Variants in MACROD2 observed in about 807,000 individuals in gnomAD.
MACROD2 encodes the protein mono-ADP ribosylhydrolase 2, also known as ADP-ribose glycohydrolase MACROD2.
In MACROD2, 36 loss-of-function variants were observed where a neutral mutation model predicts 70.4. The observed-to-expected ratio is 0.51, with a 90% CI of 0.39 to 0.68. The LOEUF is 0.68. Among genes scored for constraint, MACROD2 ranks in the 30% least tolerant of loss-of-function variants. The pLI, the probability that MACROD2 is intolerant of heterozygous loss-of-function variation, is 0.00. For missense variants in MACROD2, 496 were observed against 538.4 expected (o/e 0.92, Z 0.78); for synonymous variants, 172 against 178.8 (o/e 0.96, Z 0.30).
At chr20:15,902,062 A>G (rs1429368996) in intron 10 of MACROD2, among the ~76,000 whole-genome samples, 4 of 152,214 alleles carry the variant, frequency 2.6e-5, no homozygotes, top group African/African-American at 4.8e-5. Context: ...TTAGTTTTGC[A>G]TGGAGCTGTG....
chr20:14,142,874 G>A (rs555754174), intron 3 of MACROD2, among the ~76,000 whole-genome samples: 3 of 151,970 alleles, frequency 2.0e-5, no homozygotes, highest in Non-Finnish European at 4.4e-5. Flanking sequence ...ATTCATTTGT[G>A]GCTTAAAAGA....
At position 15,836,413 on chromosome 20, in the gene MACROD2, A is replaced by G. The variant is rs1164999717; in HGVS notation, c.646-26332A>G. Among the ~76,000 whole-genome samples the G allele has an allele frequency of 2.0e-5, 3 of 152,298 alleles. No individual in the cohort carries two copies. The South Asian group carries it at 6.2e-4, about 32-fold the overall frequency. On this transcript the variant is annotated intron_variant, in intron 8 of 17. Coordinates refer to ENST00000684519, the MANE Select transcript of MACROD2 (RefSeq NM_001351661.2). ...GTGGTCAGTTACACAGAATGGAGTCATAAGAGTCATTATCTATGGGATGTT... is the reference window on the plus strand; with the variant it reads ...GTGGTCAGTTACACAGAATGGAGTCGTAAGAGTCATTATCTATGGGATGTT...
intron 8 of MACROD2, among the ~76,000 whole-genome samples, chr20:15,645,070 C>A (rs1007874475): frequency 6.6e-6 from 1 of 152,170 alleles, no homozygotes; most frequent in South Asian, 2.1e-4. Flanking sequence ...CACCACCTTG[C>A]CTTTAATGTC....
intron 5 of MACROD2, among the ~76,000 whole-genome samples, chr20:15,194,232 C>T (rs1018301763): frequency 3.7e-4 from 38 of 102,536 alleles, no homozygotes; most frequent in African/African-American, 1.3e-3. Context: ...GGTGACAGAG[C>T]GACACTCTGT....
In MACROD2 at chr20:14,840,723, G is replaced by T. The variant is rs181461343; in HGVS notation, c.418+155764G>T. Among the ~76,000 whole-genome samples the T allele has an allele frequency of 2.3e-3, 349 of 152,228 alleles. 2 individuals carry two copies. The highest frequency in any genetic ancestry group is 4.1e-3 in the Non-Finnish European group (278 of 67,988). Reference sequence around the variant, plus strand: ...GTTCTCTCATTGGAAAGGTTGACAGGTTCTTTCAAGGAAAGGTCATTTCAG... The same window carrying T: ...GTTCTCTCATTGGAAAGGTTGACAGTTTCTTTCAAGGAAAGGTCATTTCAG... On this transcript the variant is annotated intron_variant, in intron 5 of 17. Coordinates refer to ENST00000684519, the MANE Select transcript of MACROD2 (RefSeq NM_001351661.2).
intron 5 of MACROD2, among the ~76,000 whole-genome samples, chr20:14,941,766 ATTTC>A (rs2074391645): frequency 6.6e-6 from 1 of 150,532 alleles, no homozygotes; most frequent in Non-Finnish European, 1.5e-5. Flanking sequence ...AAGATTCTGA[ATTTC>A]TTTCTCTCTC....
At chr20:14,767,431 AG>A (rs1346100219) in intron 5 of MACROD2, among the ~76,000 whole-genome samples, 1 of 151,994 alleles carries the variant, frequency 6.6e-6, no homozygotes, top group Non-Finnish European at 1.5e-5. Context: ...TGAGGGAGTA[AG>A]GTGCTAAGAG....
chr20:15,583,834 G>A (rs1195863507), intron 8 of MACROD2, among the ~76,000 whole-genome samples: 1 of 152,068 alleles, frequency 6.6e-6, no homozygotes, highest in Non-Finnish European at 1.5e-5. Context: ...TAGAGACAGG[G>A]TTTCACCATG....
intron 9 of MACROD2, among the ~76,000 whole-genome samples, chr20:15,869,754 A>G (rs1010431773): frequency 6.6e-6 from 1 of 152,102 alleles, no homozygotes; most frequent in Non-Finnish European, 1.5e-5. Flanking sequence ...CATATAGATG[A>G]TAAAGTAAAA....
chr20:15,290,037 C>T (rs975478419), intron 6 of MACROD2, among the ~76,000 whole-genome samples: 1 of 152,068 alleles, frequency 6.6e-6, no homozygotes, highest in Non-Finnish European at 1.5e-5. Flanking sequence ...TCTGTTTACT[C>T]ATACATAACA....
rs968580977 is a variant in MACROD2, at chr20:14,641,570, A to G, written c.302-43273A>G. Among the ~76,000 whole-genome samples, 25 of 152,384 alleles carry G rather than the reference A, an allele frequency of 1.6e-4. 1 individual carries two copies. The highest frequency in any genetic ancestry group is 5.8e-4 in the African/African-American group (24 of 41,596). On this transcript the variant is annotated intron_variant, in intron 4 of 17. Coordinates refer to ENST00000684519, the MANE Select transcript of MACROD2 (RefSeq NM_001351661.2). ...TTTAAATAATAAGACTTGAAAGTCAAAATTGCTCCTTGATTGATGGGCTAC... is the reference window on the plus strand; with the variant it reads ...TTTAAATAATAAGACTTGAAAGTCAGAATTGCTCCTTGATTGATGGGCTAC...
intron 3 of MACROD2, among the ~76,000 whole-genome samples, chr20:14,134,284 T>C (rs1387609921): frequency 1.3e-5 from 2 of 152,170 alleles, no homozygotes; most frequent in Non-Finnish European, 2.9e-5. Flanking sequence ...TCTTACATGT[T>C]AATATGAACC....
chr20:14,985,197 A>G (rs955678574), intron 5 of MACROD2, among the ~76,000 whole-genome samples: 1 of 152,164 alleles, frequency 6.6e-6, no homozygotes, highest in Admixed American at 6.6e-5. Flanking sequence ...TAGCTAACCT[A>G]TGACACTTCA....
chr20:15,435,131 G>A (rs2046411738), intron 7 of MACROD2, among the ~76,000 whole-genome samples: 1 of 151,968 alleles, frequency 6.6e-6, no homozygotes, highest in African/African-American at 2.4e-5. Flanking sequence ...AAGAATTTTT[G>A]CATGTAACCA....
At chr20:14,981,585 A>G (rs1269935348) in intron 5 of MACROD2, among the ~76,000 whole-genome samples, 1 of 151,964 alleles carries the variant, frequency 6.6e-6, no homozygotes, top group East Asian at 1.9e-4. Context: ...TCATGGGGGC[A>G]GATCTTTCCT....
At chr20:15,921,489 G>A (rs1011690036) in intron 10 of MACROD2, among the ~76,000 whole-genome samples, 2 of 152,098 alleles carry the variant, frequency 1.3e-5, no homozygotes, top group Admixed American at 1.3e-4. Flanking sequence ...CACCTGGAGC[G>A]ATCATCCCTC....
At chr20:14,108,387 G>A (rs776084174) in intron 3 of MACROD2, among the ~76,000 whole-genome samples, 1 of 151,494 alleles carries the variant, frequency 6.6e-6, no homozygotes, top group Non-Finnish European at 1.5e-5. Flanking sequence ...TAACAAAATG[G>A]CAGGAGTAAA....
chr20:15,709,016 T>A (rs1212561600), intron 8 of MACROD2, among the ~76,000 whole-genome samples: 1 of 152,108 alleles, frequency 6.6e-6, no homozygotes, highest in African/African-American at 2.4e-5. Flanking sequence ...ACACCCTATC[T>A]CTAAAAATAA....
chr20:15,217,470 G>A (rs1255433529), intron 5 of MACROD2, among the ~76,000 whole-genome samples: 1 of 152,132 alleles, frequency 6.6e-6, no homozygotes. Context: ...TTGGGTTATG[G>A]AGACTTGTTT....
Sources: allele counts gnomAD v4.1 joint callset (sites outside exome capture counted in the v4.1 genomes callset), GRCh38; gene constraint gnomAD v4.1.1; transcripts MANE v1.5; gene names NCBI Gene and HGNC (gene_info 2026-07-23, HGNC 2026-07-21).